Variants in SPAG9 observed in about 807,000 individuals in gnomAD.
The protein encoded by SPAG9 is C-Jun-amino-terminal kinase-interacting protein 4.
Under a neutral mutation model 166.5 loss-of-function variants are expected in SPAG9, and 35 were observed. That is an observed-to-expected ratio of 0.21 (90% CI 0.16 to 0.28). The LOEUF is 0.28. SPAG9 is among the 10% of genes least tolerant of loss of function. The pLI is 1.00. For synonymous variants in SPAG9, 534 were observed against 565.5 expected (o/e 0.94, Z 0.79); for missense variants, 1,235 against 1,603.3 (o/e 0.77, Z 3.92).
intron 9 of SPAG9, among the ~76,000 whole-genome samples, chr17:51,010,161 T>C (rs1053195049): frequency 6.6e-6 from 1 of 152,202 alleles, no homozygotes; most frequent in African/African-American, 2.4e-5. Context: ...TTCAGAGTTA[T>C]ATGGTAATCC....
At chr17:51,105,871 A>G (rs2048934511) in intron 1 of SPAG9, among the ~76,000 whole-genome samples, 1 of 151,906 alleles carries the variant, frequency 6.6e-6, no homozygotes, top group African/African-American at 2.4e-5. Flanking sequence ...TGTCTCAAAA[A>G]AAAAGAGAAA....
At chr17:50,969,413 C>G (rs1973606719) in intron 29 of SPAG9, among the ~76,000 whole-genome samples, 1 of 152,150 alleles carries the variant, frequency 6.6e-6, no homozygotes, top group Non-Finnish European at 1.5e-5. Flanking sequence ...CATCATGCTT[C>G]TTATCTGTTC....
At chr17:51,045,585 G>A (rs945760504) in intron 4 of SPAG9, among the ~76,000 whole-genome samples, 2 of 151,878 alleles carry the variant, frequency 1.3e-5, no homozygotes, top group Admixed American at 1.3e-4. Flanking sequence ...TACAATTAGG[G>A]TTTAAATATT....
chr17:51,021,578 T>C (rs1230593247), intron 6 of SPAG9, among the ~76,000 whole-genome samples: 8 of 152,196 alleles, frequency 5.3e-5, no homozygotes, highest in Admixed American at 1.3e-4. Flanking sequence ...TTTCAAATGA[T>C]ATTTTTCTAA....
chr17:51,022,880 G>C (rs1027984259), intron 6 of SPAG9, among the ~76,000 whole-genome samples: 3 of 150,504 alleles, frequency 2.0e-5, no homozygotes, highest in African/African-American at 7.3e-5. Context: ...AACCCGGGAG[G>C]CAGAGGTTGC....
At chr17:51,072,299 T>A (rs1327264849) in intron 2 of SPAG9, among the ~76,000 whole-genome samples, 1 of 148,504 alleles carries the variant, frequency 6.7e-6, no homozygotes, top group Admixed American at 6.8e-5. Flanking sequence ...CTTGAACTCC[T>A]GACCTGAGGT....
At chr17:51,046,427 C>T in intron 4 of SPAG9, 1 of 1,053,332 alleles carries the variant, frequency 9.5e-7, no homozygotes, top group Non-Finnish European at 1.4e-6. Context: ...GAAATTGTTA[C>T]AAAGCAGACC....
intron 3 of SPAG9, among the ~76,000 whole-genome samples, chr17:51,054,471 C>T (rs995223943): frequency 6.7e-6 from 1 of 150,156 alleles, no homozygotes; most frequent in Non-Finnish European, 1.5e-5. Context: ...GAGTCTCGCT[C>T]TCTTGCCCAG....
intron 12 of SPAG9, among the ~76,000 whole-genome samples, chr17:51,003,027 A>C (rs1182375827): frequency 6.6e-6 from 1 of 151,404 alleles, no homozygotes; most frequent in African/African-American, 2.4e-5. Flanking sequence ...TGAGGCCAAG[A>C]GTTCAAGACC....
At chr17:51,109,707 C>CTTTTT (rs957134325) in intron 1 of SPAG9, among the ~76,000 whole-genome samples, 1 of 151,740 alleles carries the variant, frequency 6.6e-6, no homozygotes, top group African/African-American at 2.4e-5. Context: ...TACAAAGGTT[C>CTTTTT]TTTTTTTTCT....
chr17:51,062,325 T>G (rs1444704859), intron 2 of SPAG9, among the ~76,000 whole-genome samples: 1 of 152,170 alleles, frequency 6.6e-6, no homozygotes, highest in African/African-American at 2.4e-5. Flanking sequence ...ACTCGTGGTG[T>G]TGTATACTCT....
chr17:51,082,678 T>C (rs2144652494), intron 1 of SPAG9, among the ~76,000 whole-genome samples: 1 of 152,272 alleles, frequency 6.6e-6, no homozygotes, highest in South Asian at 2.1e-4. Flanking sequence ...GAAACCCTTA[T>C]AGAAAAATTT....
intron 1 of SPAG9, among the ~76,000 whole-genome samples, chr17:51,080,348 G>C (rs995678309): frequency 6.9e-6 from 1 of 145,030 alleles, no homozygotes; most frequent in Non-Finnish European, 1.5e-5. Flanking sequence ...TTTGCTGCTC[G>C]TTCTTGGTCT....
intron 4 of SPAG9, among the ~76,000 whole-genome samples, chr17:51,045,080 A>T (rs2046972358): frequency 6.6e-6 from 1 of 152,204 alleles, no homozygotes; most frequent in Non-Finnish European, 1.5e-5. Context: ...CAACGGGGTA[A>T]GTCCCATCAG....
Position 51,005,204 on chromosome 17 carries a change from A to G in SPAG9, c.1476+8T>C. 1.2e-6 allele frequency: 2 copies of G among 1,613,544 alleles called. No homozygotes were observed. The highest frequency in any genetic ancestry group is 1.7e-6 in the Non-Finnish European group (2 of 1,179,610). ...GGTAAGAAAAAAAGTCCAAAATTGT[A>G]AACCTACATCATCGTCATCTTTTGC... is the stretch of plus-strand genomic sequence containing the variant. On this transcript the variant is annotated splice_region_variant and intron_variant, in intron 12 of 29. Coordinates refer to ENST00000262013, the MANE Select transcript of SPAG9 (RefSeq NM_001130528.3).
At chr17:51,110,388 CAAA>C (rs764802398) in intron 1 of SPAG9, among the ~76,000 whole-genome samples, 1 of 64,188 alleles carries the variant, frequency 1.6e-5, no homozygotes, top group Non-Finnish European at 3.3e-5. Flanking sequence ...ACTAACCTTA[CAAA>C]AAAAAAAAAA....
At chr17:51,015,729 G>C (rs1054250947) in intron 8 of SPAG9, among the ~76,000 whole-genome samples, 1 of 140,160 alleles carries the variant, frequency 7.1e-6, no homozygotes, top group African/African-American at 2.5e-5. Flanking sequence ...AAAAGAATGA[G>C]GGTTTAAAAA....
rs746370783 is a variant in SPAG9, at chr17:51,089,620, TTATATATATATATATATA to T, written c.304-9934_304-9917del. ...TATATGTATATATATACACTTTATT[TTATATATATATATATATA>T]TATATATATATATATATATATATAT... On this transcript the variant is annotated intron_variant, in intron 1 of 29. Coordinates refer to ENST00000262013, the MANE Select transcript of SPAG9 (RefSeq NM_001130528.3). Among the ~76,000 whole-genome samples the T allele has an allele frequency of 1.0e-3, 41 of 40,476 alleles. 1 individual carries two copies. Among genetic ancestry groups the T allele is most frequent in the Middle Eastern group, 0.029 (2 of 68 alleles). 26.6% of individuals were successfully genotyped at this position (40,476 alleles called of 152,430 possible).
chr17:51,009,444 A>G (rs1293092155), intron 9 of SPAG9, among the ~76,000 whole-genome samples: 2 of 152,200 alleles, frequency 1.3e-5, no homozygotes, highest in Non-Finnish European at 2.9e-5. Context: ...CATTTTTGAA[A>G]AGGTACAAAG....
Sources: allele counts gnomAD v4.1 joint callset (sites outside exome capture counted in the v4.1 genomes callset), GRCh38; gene constraint gnomAD v4.1.1; transcripts MANE v1.5; gene names NCBI Gene and HGNC (gene_info 2026-07-23, HGNC 2026-07-21).